Variants in DLG2 observed in about 807,000 individuals in gnomAD.
DLG2 encodes the protein discs large MAGUK scaffold protein 2, also known as disks large homolog 2.
A neutral mutation model predicts 132.5 loss-of-function variants in DLG2; 45 were observed. The ratio of observed to expected loss-of-function variants is 0.34; its 90% CI spans 0.27 to 0.44. The LOEUF is 0.44. DLG2 is among the 20% of genes least tolerant of loss of function. The pLI is 1.00. For missense variants in DLG2, 1,045 were observed against 1,196.9 expected (o/e 0.87, Z 1.87); for synonymous variants, 424 against 419.6 (o/e 1.01, Z -0.13).
At chr11:83,972,929 T>C (rs1439262902) in intron 12 of DLG2, among the ~76,000 whole-genome samples, 1 of 152,110 alleles carries the variant, frequency 6.6e-6, no homozygotes, top group South Asian at 2.1e-4. Context: ...CTATTCTTCC[T>C]TCATTAATCA....
intron 22 of DLG2, among the ~76,000 whole-genome samples, chr11:83,478,572 T>G (rs933285465): frequency 6.6e-5 from 10 of 152,032 alleles, no homozygotes; most frequent in African/African-American, 2.2e-4. Flanking sequence ...TTTTATAACT[T>G]AATAATTCTG....
intron 5 of DLG2, among the ~76,000 whole-genome samples, chr11:85,146,250 C>CTCTCTCTA (rs2076848086): frequency 1.3e-5 from 2 of 151,682 alleles, no homozygotes; most frequent in Non-Finnish European, 2.9e-5. Context: ...CTCTCTCTCT[C>CTCTCTCTA]TCTCTCTCTC....
At chr11:84,077,442 T>C (rs962181628) in intron 10 of DLG2, among the ~76,000 whole-genome samples, 4 of 152,228 alleles carry the variant, frequency 2.6e-5, no homozygotes, top group South Asian at 2.1e-4. Flanking sequence ...CTGCATTCTG[T>C]GCCTCTCCTG....
chr11:84,351,115 G>A (rs114350563), intron 7 of DLG2, among the ~76,000 whole-genome samples: 7,591 of 151,910 alleles, frequency 0.05, 634 homozygotes, highest in African/African-American at 0.17. Flanking sequence ...GGAAAAATAT[G>A]TTTCTCCAGA....
At chr11:83,488,555 T>A (rs749369610) in intron 21 of DLG2, among the ~76,000 whole-genome samples, 37 of 152,162 alleles carry the variant, frequency 2.4e-4, no homozygotes, top group Non-Finnish European at 4.1e-4. Context: ...ATCTTTCTCA[T>A]CCAGAAAACC....
At chr11:84,218,496 G>A (rs1172459440) in intron 8 of DLG2, among the ~76,000 whole-genome samples, 1 of 152,130 alleles carries the variant, frequency 6.6e-6, no homozygotes, top group East Asian at 1.9e-4. Flanking sequence ...ATATTACTGG[G>A]TGATAGGTTC....
chr11:84,846,272 C>CTTAACAAG (rs2081463245), intron 6 of DLG2, among the ~76,000 whole-genome samples: 1 of 152,064 alleles, frequency 6.6e-6, no homozygotes, highest in South Asian at 2.1e-4. Flanking sequence ...ATCTCTTAAA[C>CTTAACAAG]TTAACAAGTC....
chr11:83,706,045 C>T (rs183231595), intron 18 of DLG2, among the ~76,000 whole-genome samples: 8 of 152,002 alleles, frequency 5.3e-5, no homozygotes, highest in Admixed American at 2.0e-4. Context: ...GGTGAAACCC[C>T]GTCTCTACTA....
chr11:85,103,268 C>T (rs1297244551), intron 6 of DLG2, among the ~76,000 whole-genome samples: 5 of 151,938 alleles, frequency 3.3e-5, no homozygotes, highest in Non-Finnish European at 4.4e-5. Context: ...TCCTAAAATG[C>T]ATGCAAAAAT....
chr11:84,355,641 G>A (rs1168177047), intron 7 of DLG2, among the ~76,000 whole-genome samples: 1 of 152,044 alleles, frequency 6.6e-6, no homozygotes, highest in Non-Finnish European at 1.5e-5. Context: ...AAGAACTATG[G>A]TTATAGCTTT....
chr11:84,443,224 T>G (rs1428395247), intron 7 of DLG2, among the ~76,000 whole-genome samples: 1 of 152,212 alleles, frequency 6.6e-6, no homozygotes, highest in Non-Finnish European at 1.5e-5. Flanking sequence ...AAGAACCTAA[T>G]GTAACATTTA....
intron 7 of DLG2, among the ~76,000 whole-genome samples, chr11:84,471,144 A>G (rs2099107394): frequency 6.6e-6 from 1 of 151,710 alleles, no homozygotes; most frequent in Non-Finnish European, 1.5e-5. Flanking sequence ...ACCCAGATGG[A>G]ACTGGGGTTC....
intron 6 of DLG2, among the ~76,000 whole-genome samples, chr11:84,848,501 TA>T (rs1177487702): frequency 6.6e-6 from 1 of 151,544 alleles, no homozygotes; most frequent in Non-Finnish European, 1.5e-5. Flanking sequence ...CTCAGAAAAA[TA>T]AAAAATAAAA....
At chr11:83,645,709 T>A (rs2067959095) in intron 18 of DLG2, 1 of 152,032 alleles carries the variant, frequency 6.6e-6, no homozygotes, top group African/African-American at 2.4e-5. Flanking sequence ...ACCATGAGGG[T>A]GAGGATCAGA....
At chr11:83,513,121 A>G (rs370133615) in intron 21 of DLG2, among the ~76,000 whole-genome samples, 1 of 152,170 alleles carries the variant, frequency 6.6e-6, no homozygotes, top group African/African-American at 2.4e-5. Context: ...TCTTTCCACA[A>G]TGGTTGAACC....
At chr11:83,903,358 A>C (rs2073975395) in intron 15 of DLG2, among the ~76,000 whole-genome samples, 1 of 152,142 alleles carries the variant, frequency 6.6e-6, no homozygotes, top group South Asian at 2.1e-4. Flanking sequence ...TATCAAGAAT[A>C]TTTGAAGGTA....
chr11:84,106,976 T>G (rs2092991377), intron 9 of DLG2, among the ~76,000 whole-genome samples: 13 of 52,534 alleles, frequency 2.5e-4, no homozygotes, highest in Admixed American at 6.1e-4. Flanking sequence ...GTTTTAGCCT[T>G]AGGGTGTGTG....
At chr11:84,865,152 C>A (rs1233802084) in intron 6 of DLG2, among the ~76,000 whole-genome samples, 1 of 152,096 alleles carries the variant, frequency 6.6e-6, no homozygotes, top group East Asian at 1.9e-4. Context: ...AATTGTCCAG[C>A]CCAAACAGAG....
At chr11:83,696,877 A>G (rs1271740647) in intron 18 of DLG2, among the ~76,000 whole-genome samples, 1 of 152,226 alleles carries the variant, frequency 6.6e-6, no homozygotes, top group Non-Finnish European at 1.5e-5. Flanking sequence ...AGCCCAAGAC[A>G]AAAGAGAATA....
Sources: allele counts gnomAD v4.1 joint callset (sites outside exome capture counted in the v4.1 genomes callset), GRCh38; gene constraint gnomAD v4.1.1; transcripts MANE v1.5; gene names NCBI Gene and HGNC (gene_info 2026-07-23, HGNC 2026-07-21).